The following SLC44A1 variants were observed in gnomAD, a reference collection of about 807,000 sequenced individuals.
SLC44A1 encodes the protein choline transporter-like protein 1.
SLC44A1 carries 26 observed loss-of-function variants against 79.3 expected under a neutral mutation model. The ratio of observed to expected loss-of-function variants is 0.33; its 90% CI spans 0.24 to 0.46. The LOEUF is 0.46. Ranked by LOEUF, SLC44A1 falls within the 20% of genes least tolerant of loss-of-function variation. The probability of loss-of-function intolerance (pLI) is 1.00; values close to 1 mark genes in which losing one functional copy is unlikely to be tolerated. For synonymous variants in SLC44A1, 263 were observed against 286.2 expected, an observed-to-expected ratio of 0.92 and a Z score of 0.82; for missense variants, 688 against 798.1, an observed-to-expected ratio of 0.86 and a Z score of 1.66.
chr9:105,395,043 T>G lies in SLC44A1; in HGVS notation c.*5987T>G, dbSNP rs1216272202. 1.6e-5 allele frequency: 16 copies of G among 985,314 alleles called. No homozygotes were observed. The highest frequency in any genetic ancestry group is 1.9e-5 in the Non-Finnish European group (16 of 829,948). 61.0% of individuals were successfully genotyped at this position (985,314 alleles called of 1,614,324 possible). ...AGCAGGCAGAAACTCATCAAGGGGT[T>G]TGAAGTTCTTGTGAAATTTGATCCC... is the stretch of plus-strand genomic sequence containing the variant. On this transcript the variant is annotated 3_prime_UTR_variant, in exon 16 of 16. Coordinates refer to ENST00000374720, the MANE Select transcript of SLC44A1 (RefSeq NM_080546.5).
chr9:105,301,156 T>A (rs1358651934), intron 2 of SLC44A1, among the ~76,000 whole-genome samples: 4 of 152,186 alleles, frequency 2.6e-5, no homozygotes, highest in Non-Finnish European at 5.9e-5. Context: ...AGCTGACCTT[T>A]CAAAATTGTT....
chr9:105,347,196 G>A (rs1827268746), intron 4 of SLC44A1, among the ~76,000 whole-genome samples: 1 of 151,956 alleles, frequency 6.6e-6, no homozygotes, highest in African/African-American at 2.4e-5. Context: ...CAGTGTTGCA[G>A]TCTGCTGTTC....
At chr9:105,324,778 A>G (rs563919684) in intron 3 of SLC44A1, among the ~76,000 whole-genome samples, 1 of 152,336 alleles carries the variant, frequency 6.6e-6, no homozygotes, top group East Asian at 1.9e-4. Flanking sequence ...TTAGCTATCA[A>G]GAAATGCAAA....
rs1297239718 is a variant in SLC44A1, at chr9:105,392,608, C to G, written c.*3552C>G. 6 of 985,212 alleles carry G rather than the reference C, an allele frequency of 6.1e-6. No homozygotes were observed. The African/African-American group carries it at 1.0e-4, about 17-fold the overall frequency. The allele number at this position is 985,212 out of a possible 1,614,324, so 61.0% of individuals were successfully genotyped here. A position where few individuals can be genotyped will look rare whatever the true frequency, so the allele number is the denominator to read the frequency against. ...GCTTTAGAGCAGAGTTAATACCTCT[C>G]CCTCCCTCTTCAAAACAGCTACAGG... On this transcript the variant is annotated 3_prime_UTR_variant, in exon 16 of 16. Coordinates refer to ENST00000374720, the MANE Select transcript of SLC44A1 (RefSeq NM_080546.5).
At chr9:105,264,865 C>A (rs1412399584) in intron 1 of SLC44A1, among the ~76,000 whole-genome samples, 3 of 151,112 alleles carry the variant, frequency 2.0e-5, no homozygotes, top group Non-Finnish European at 4.4e-5. Flanking sequence ...GGTGCGATCT[C>A]GGCTCACCAC....
Position 105,358,399 on chromosome 9 carries a change from G to A in SLC44A1, c.726G>A (p.Trp242Ter), listed in dbSNP as rs887132907. The A allele has an allele frequency of 3.7e-6, 6 of 1,601,804 alleles. No individual in the cohort carries two copies. The highest frequency in any genetic ancestry group is 5.1e-6 in the Non-Finnish European group (6 of 1,169,104). ...IIRYISRVLV[W>*]ILTILVILGS... ...GGTATATATCAAGAGTACTTGTGTG[G>A]ATCTTAACGATTCTGGTCATACTCG... The change falls in exon 7 of 16, where the codon TGG (tryptophan) becomes TGA (stop). Residue 242 changes from tryptophan (W) to a stop codon, truncating the protein, a stop_gained. Transcript: ENST00000374720. LOFTEE classifies it high-confidence loss of function.
At chr9:105,401,389 G>A (rs1452939931), downstream of SLC44A1, among the ~76,000 whole-genome samples, 1 of 152,014 alleles carries the variant, frequency 6.6e-6, no homozygotes, top group Non-Finnish European at 1.5e-5. Context: ...AAAACAAATC[G>A]TATTATTTAT....
chr9:105,345,377 C>G (rs1827217505), intron 4 of SLC44A1, among the ~76,000 whole-genome samples: 1 of 152,056 alleles, frequency 6.6e-6, no homozygotes, highest in African/African-American at 2.4e-5. Context: ...TCAGAAAGTA[C>G]CTGGTGGAAC....
chr9:105,273,983 A>C (rs1830138312), intron 1 of SLC44A1, among the ~76,000 whole-genome samples: 1 of 152,166 alleles, frequency 6.6e-6, no homozygotes, highest in Non-Finnish European at 1.5e-5. Context: ...TCTGTAGGTT[A>C]TTATTTCTTT....
downstream of SLC44A1, among the ~76,000 whole-genome samples, chr9:105,401,748 A>G (rs993377882): frequency 3.9e-5 from 6 of 152,344 alleles, no homozygotes; most frequent in Admixed American, 1.3e-4. Context: ...GCATGCTCAC[A>G]GCAGCGTGCT....
intron 13 of SLC44A1, among the ~76,000 whole-genome samples, chr9:105,378,221 C>A (rs1828354621): frequency 1.3e-5 from 2 of 152,174 alleles, no homozygotes; most frequent in Admixed American, 1.3e-4. Context: ...TGCACTGCAG[C>A]CCGGACGACA....
In SLC44A1 at chr9:105,397,038, T is replaced by TA; in HGVS notation, c.*7987dup. On this transcript the variant is annotated 3_prime_UTR_variant, in exon 16 of 16. Transcript: ENST00000374720. ...GGAGCATTATGCTCTCAGAGGACTT[T>TA]AAAAATATGTATATTAAGCAATTAA... is the stretch of plus-strand genomic sequence containing the variant. The TA allele has an allele frequency of 1.0e-6, 1 of 985,084 alleles. No homozygotes were observed. The highest frequency in any genetic ancestry group is 1.2e-6 in the Non-Finnish European group (1 of 829,634). The allele number at this position is 985,084 out of a possible 1,614,324, so 61.0% of individuals were successfully genotyped here.
chr9:105,435,515 G>A (rs919347541), intron 15 of SLC44A1, among the ~76,000 whole-genome samples: 7 of 152,176 alleles, frequency 4.6e-5, no homozygotes, highest in South Asian at 2.1e-4. Context: ...CACAAGGCAC[G>A]ATATCACAAG....
In SLC44A1 at chr9:105,365,590, A is replaced by G; in HGVS notation, c.1361A>G (p.Lys454Arg). The G allele has an allele frequency of 6.2e-7, 1 of 1,613,922 alleles. No homozygotes were observed. Among genetic ancestry groups the G allele is most frequent in the African/African-American group, 1.3e-5 (1 of 75,046 alleles). ...GGATCTTTCATTATCACATTAGTCA[A>G]AATTCCGCGAATGATCCTTATGTAT... ...AKGSFIITLV[K>R]IPRMILMYIH... Residue 454 changes from lysine to arginine, a missense_variant, in exon 11 of 16, where the codon AAA becomes AGA. Physicochemically the swap from Lys to Arg is conservative, Grantham distance 26. Coordinates refer to ENST00000374720, the MANE Select transcript of SLC44A1 (RefSeq NM_080546.5).
chr9:105,386,003 A>G (rs1200242904), intron 15 of SLC44A1: 1 of 985,130 alleles, frequency 1.0e-6, no homozygotes, highest in Non-Finnish European at 1.2e-6. Flanking sequence ...TCTGTTGCCT[A>G]GGTTGTACTT....
intron 4 of SLC44A1, 72 bp downstream of exon 4, chr9:105,335,771 T>A (rs1826899202): frequency 7.1e-7 from 1 of 1,408,548 alleles, no homozygotes; most frequent in Non-Finnish European, 9.7e-7. Flanking sequence ...TTTGCCCTAG[T>A]GTTAAATAAA....
intron 1 of SLC44A1, among the ~76,000 whole-genome samples, chr9:105,248,838 A>G (rs866872659): frequency 1.3e-5 from 2 of 152,240 alleles, no homozygotes. Flanking sequence ...GATTTATTAA[A>G]TGCTCTTTCC....
chr9:105,246,373 C>CTTCTT (rs368516599), intron 1 of SLC44A1, among the ~76,000 whole-genome samples: 71 of 119,088 alleles, frequency 6.0e-4, no homozygotes, highest in African/African-American at 2.0e-3. Context: ...TTCCTCCAGT[C>CTTCTT]TTTTTTTTTT....
chr9:105,339,820 C>CA (rs534726258), intron 4 of SLC44A1, among the ~76,000 whole-genome samples: 8 of 151,666 alleles, frequency 5.3e-5, no homozygotes, highest in African/African-American at 1.5e-4. Context: ...GACCCTGTCT[C>CA]AAAAAAACCT....
Sources: gnomAD v4.1 joint callset for allele counts (sites outside exome capture counted in the v4.1 genomes callset) on GRCh38, gnomAD v4.1.1 for gene constraint, MANE v1.5 for transcripts, NCBI Gene and HGNC (gene_info 2026-07-23, HGNC 2026-07-21) for gene names.